FLT3: variants seen among roughly 807,000 people sequenced by gnomAD.
The protein encoded by FLT3 is fms related receptor tyrosine kinase 3, also known as receptor-type tyrosine-protein kinase FLT3.
A neutral mutation model predicts 126.6 loss-of-function variants in FLT3; 46 were observed. That is an observed-to-expected ratio of 0.36 (90% CI 0.29 to 0.46). The LOEUF (loss-of-function observed/expected upper bound fraction) is 0.46, where lower values mean the gene tolerates loss of function less well. Ranked by LOEUF, FLT3 falls within the 20% of genes least tolerant of loss-of-function variation. FLT3 has a pLI of 1.00. For missense variants in FLT3, 1,069 were observed against 1,190.3 expected (o/e 0.90, Z 1.50); for synonymous variants, 404 against 434.4 (o/e 0.93, Z 0.87).
intron 1 of FLT3, among the ~76,000 whole-genome samples, chr13:28,071,917 C>A (rs1288078639): frequency 6.6e-6 from 1 of 152,022 alleles, no homozygotes; most frequent in Non-Finnish European, 1.5e-5. Flanking sequence ...CTCAAGTGAT[C>A]CCCCTGCCTT....
chr13:28,098,118 C>T lies in FLT3; in HGVS notation c.43+2350G>A, dbSNP rs557843664. Among the ~76,000 whole-genome samples the T allele has an allele frequency of 2.2e-3, 341 of 151,974 alleles. 1 individual carries two copies. The highest frequency in any genetic ancestry group is 4.4e-3 in the South Asian group (21 of 4,812). On this transcript the variant is annotated intron_variant, in intron 1 of 23. Coordinates refer to ENST00000241453, the MANE Select transcript of FLT3 (RefSeq NM_004119.3). ...TCGCCTAAGGTCAGGAGTTCGAGAC[C>T]AGCCTGGCCAACATGGTGAAACCTC...
At chr13:28,097,721 T>C (rs551934607) in intron 1 of FLT3, among the ~76,000 whole-genome samples, 3 of 152,242 alleles carry the variant, frequency 2.0e-5, no homozygotes, top group Admixed American at 2.0e-4. Context: ...CTTTGCTGAG[T>C]GTCCCTTCCC....
At position 28,018,428 on chromosome 13, in the gene FLT3, A is replaced by G. The variant is rs1360664921; in HGVS notation, c.2541+39T>C. On this transcript the variant is annotated intron_variant, in intron 20 of 23. Coordinates refer to ENST00000241453, the MANE Select transcript of FLT3 (RefSeq NM_004119.3). ...TTACCATGATAACGACACAACACAA[A>G]ATAGCCGTATAAAAATAAGTAGGAA... is the stretch of plus-strand genomic sequence containing the variant. 1.9e-6 allele frequency: 3 copies of G among 1,610,934 alleles called. No individual in the cohort carries two copies. The South Asian group carries it at 3.3e-5, about 18-fold the overall frequency.
chr13:28,045,831 G>A (rs560216775), intron 9 of FLT3, among the ~76,000 whole-genome samples: 51 of 145,476 alleles, frequency 3.5e-4, no homozygotes, highest in Non-Finnish European at 6.7e-4. Flanking sequence ...CTTCAGTCTG[G>A]GCAACAGAAT....
rs775390972 is a variant in FLT3, at chr13:28,048,432, T to C, written c.1048A>G (p.Ile350Val). The change falls in exon 9 of 24, where the codon ATA becomes GTA. Residue 350 changes from isoleucine (I) to valine (V), a missense_variant. Ile to Val is a conservative substitution (Grantham distance 29, BLOSUM62 3). Transcript: ENST00000241453. Reference sequence around the variant, plus strand: ...TCTTCACTTGAATTGGTAGCATTTATAAATCCCTTTTCTGTAAGAAAAAAT... The same window carrying C: ...TCTTCACTTGAATTGGTAGCATTTACAAATCCCTTTTCTGTAAGAAAAAAT... ...ALVTIVEKGFINATNSSEDYE... is the reference protein window; with the variant it reads ...ALVTIVEKGFVNATNSSEDYE... The C allele has an allele frequency of 3.1e-6, 5 of 1,600,342 alleles. No homozygotes were observed. The highest frequency in any genetic ancestry group is 2.6e-6 in the Non-Finnish European group (3 of 1,168,420).
chr13:28,044,522 A>C (rs1422572909), intron 9 of FLT3, among the ~76,000 whole-genome samples: 1 of 151,900 alleles, frequency 6.6e-6, no homozygotes, highest in African/African-American at 2.4e-5. Flanking sequence ...CTCCATCCCC[A>C]TCTCAACATA....
chr13:28,088,292 CTT>C (rs869111412), intron 1 of FLT3, among the ~76,000 whole-genome samples: 2 of 144,762 alleles, frequency 1.4e-5, no homozygotes, highest in African/African-American at 2.5e-5. Context: ...AGAAAACATT[CTT>C]TTTTTTTTTT....
At chr13:28,091,717 T>G (rs973417061) in intron 1 of FLT3, among the ~76,000 whole-genome samples, 4 of 152,130 alleles carry the variant, frequency 2.6e-5, no homozygotes, top group African/African-American at 2.4e-5. Flanking sequence ...GGAGGGTCGC[T>G]TGAACTCAGG....
intron 2 of FLT3, among the ~76,000 whole-genome samples, chr13:28,066,075 T>C (rs1228809119): frequency 3.9e-5 from 6 of 152,052 alleles, no homozygotes; most frequent in Admixed American, 3.9e-4. Context: ...ACCAAATTAA[T>C]TCAATTGTAT....
intron 23 of FLT3, among the ~76,000 whole-genome samples, chr13:28,011,420 G>A (rs1871350344): frequency 6.6e-6 from 1 of 151,904 alleles, no homozygotes; most frequent in Non-Finnish European, 1.5e-5. Flanking sequence ...CCTGGGGAAG[G>A]TGACAAGGCC....
intron 18 of FLT3, 76 bp from the exon 19 acceptor site, chr13:28,023,553 T>C: frequency 6.5e-7 from 1 of 1,536,648 alleles, no homozygotes; most frequent in African/African-American, 1.4e-5. Flanking sequence ...GGGAAGGTTA[T>C]TCAAGCCAGA....
chr13:28,091,843 G>T (rs902918112), intron 1 of FLT3, among the ~76,000 whole-genome samples: 4 of 152,144 alleles, frequency 2.6e-5, no homozygotes, highest in Non-Finnish European at 4.4e-5. Context: ...GCCAAGGCAG[G>T]TGGATCGCTT....
rs151284406 is a variant in FLT3 at position 28,082,277 on chromosome 13, A to G, written c.44-11665T>C. Among the ~76,000 whole-genome samples, 17 of 152,154 alleles carry G rather than the reference A, an allele frequency of 1.1e-4. No individual in the cohort carries two copies. The East Asian group carries it at 2.3e-3, about 21-fold the overall frequency. ...ACAGTTTTCCCACCTCAGCTGCCCA[A>G]GTACCTAGGACTACATGCACATACC... On this transcript the variant is annotated intron_variant, in intron 1 of 23. Transcript: ENST00000241453.
chr13:28,032,479 G>GCCAC (rs1566069635), intron 15 of FLT3, among the ~76,000 whole-genome samples: 1 of 152,156 alleles, frequency 6.6e-6, no homozygotes, highest in East Asian at 1.9e-4. Context: ...GCATGGTGGC[G>GCCAC]CATGCCTGTA....
chr13:28,073,414 G>A, intron 1 of FLT3: 1 of 444,436 alleles, frequency 2.3e-6, no homozygotes, highest in Non-Finnish European at 4.4e-6. Flanking sequence ...AGCGACAGGA[G>A]GTAATATATG....
chr13:28,024,636 T>C (rs1396697024), intron 18 of FLT3, among the ~76,000 whole-genome samples: 6 of 152,244 alleles, frequency 3.9e-5, no homozygotes, highest in African/African-American at 1.4e-4. Context: ...CTGTAATTAA[T>C]ATATGACTTT....
At chr13:28,056,812 C>T (rs1876045915) in intron 4 of FLT3, among the ~76,000 whole-genome samples, 1 of 152,158 alleles carries the variant, frequency 6.6e-6, no homozygotes, top group African/African-American at 2.4e-5. Flanking sequence ...CCTTAGCCAC[C>T]TTTCAAGTGT....
chr13:28,009,972 TG>T (rs946289963), intron 23 of FLT3, among the ~76,000 whole-genome samples: 34 of 152,246 alleles, frequency 2.2e-4, no homozygotes, highest in African/African-American at 7.5e-4. Flanking sequence ...GACAAGTATG[TG>T]CCCCCTTTTA....
chr13:28,014,318 T>G, intron 23 of FLT3, 134 bp downstream of exon 23: 1 of 642,988 alleles, frequency 1.6e-6, no homozygotes, highest in Non-Finnish European at 2.8e-6. Flanking sequence ...CCCACACAAC[T>G]TTGAAAGGGC....
Sources: gnomAD v4.1 joint callset for allele counts (sites outside exome capture counted in the v4.1 genomes callset) on GRCh38, gnomAD v4.1.1 for gene constraint, MANE v1.5 for transcripts, NCBI Gene and HGNC (gene_info 2026-07-23, HGNC 2026-07-21) for gene names.